Variants in CDKN2B-AS1 observed in about 807,000 individuals in gnomAD.
CDKN2B-AS1 encodes the protein CDKN2B and CDKN2A antisense cis and trans regulatory RNA 1.
intron 4 of CDKN2B-AS1, among the ~76,000 whole-genome samples, chr9:22,078,154 C>T (rs781774981): frequency 6.6e-5 from 10 of 152,124 alleles, no homozygotes; most frequent in Admixed American, 1.3e-4. Context: ...ATTGTACTTA[C>T]GATATGACTT....
At chr9:22,026,280 A>G (rs1426242985) in intron 1 of CDKN2B-AS1, among the ~76,000 whole-genome samples, 3 of 151,662 alleles carry the variant, frequency 2.0e-5, no homozygotes, top group African/African-American at 7.3e-5. Flanking sequence ...GATCTCTGTC[A>G]GCTGGAGAAC....
intron 4 of CDKN2B-AS1, among the ~76,000 whole-genome samples, chr9:22,079,435 C>T (rs1290859778): frequency 6.6e-6 from 1 of 151,184 alleles, no homozygotes; most frequent in Non-Finnish European, 1.5e-5. Flanking sequence ...TTACAGTAAG[C>T]CGAGACTGTG....
chr9:22,092,709 CTCTTT>C (rs1270205467), intron 4 of CDKN2B-AS1, among the ~76,000 whole-genome samples: 1 of 152,066 alleles, frequency 6.6e-6, no homozygotes, highest in African/African-American at 2.4e-5. Context: ...TGATTCTTCT[CTCTTT>C]TCTTCTTTAT....
At chr9:22,126,980 A>C (rs1434760642) in intron 4 of CDKN2B-AS1, among the ~76,000 whole-genome samples, 2 of 152,218 alleles carry the variant, frequency 1.3e-5, no homozygotes, top group African/African-American at 2.4e-5. Context: ...CAAATCTTTT[A>C]CATTGTTTGA....
intron 4 of CDKN2B-AS1, among the ~76,000 whole-genome samples, chr9:22,088,749 C>A (rs1824952340): frequency 6.6e-6 from 1 of 152,168 alleles, no homozygotes; most frequent in African/African-American, 2.4e-5. Context: ...TGAGATCAGG[C>A]TCTATAAAAG....
intron 1 of CDKN2B-AS1, among the ~76,000 whole-genome samples, chr9:22,041,263 A>G (rs1210361621): frequency 6.6e-6 from 1 of 152,058 alleles, no homozygotes; most frequent in East Asian, 1.9e-4. Context: ...AGCAAATGCT[A>G]CAGATGTACC....
intron 1 of CDKN2B-AS1, among the ~76,000 whole-genome samples, chr9:22,017,222 C>T (rs570031651): frequency 9.2e-5 from 14 of 152,248 alleles, no homozygotes; most frequent in African/African-American, 1.7e-4. Flanking sequence ...GTCAGGAGTT[C>T]GAGACCAGCC....
At chr9:22,015,125 AG>A (rs1821685250) in intron 1 of CDKN2B-AS1, among the ~76,000 whole-genome samples, 1 of 152,116 alleles carries the variant, frequency 6.6e-6, no homozygotes, top group Non-Finnish European at 1.5e-5. Context: ...GTATATACCC[AG>A]TAATGGGATG....
intron 1 of CDKN2B-AS1, among the ~76,000 whole-genome samples, chr9:22,019,273 A>T (rs1411643213): frequency 6.6e-6 from 1 of 152,258 alleles, no homozygotes; most frequent in Non-Finnish European, 1.5e-5. Context: ...AGTTAAATTT[A>T]AAAAATACTT....
At chr9:22,059,949 G>T (rs1411903832) in intron 4 of CDKN2B-AS1, among the ~76,000 whole-genome samples, 1 of 152,184 alleles carries the variant, frequency 6.6e-6, no homozygotes, top group African/African-American at 2.4e-5. Context: ...GGGACACAGG[G>T]CACTAAATCC....
intron 4 of CDKN2B-AS1, chr9:22,063,892 C>G (rs1823927392): frequency 6.6e-6 from 1 of 152,156 alleles, no homozygotes; most frequent in Non-Finnish European, 1.5e-5. Flanking sequence ...GGGTGTGGAG[C>G]TATTTTTGGT....
At chr9:22,008,481 C>T (rs1219130669) in intron 1 of CDKN2B-AS1, among the ~76,000 whole-genome samples, 1 of 152,190 alleles carries the variant, frequency 6.6e-6, no homozygotes, top group African/African-American at 2.4e-5. Context: ...TGAAAGCAGA[C>T]AGACAAGATA....
rs1483643547 is a variant in CDKN2B-AS1, at chr9:21,997,098, C to T, written n.29+1937C>T. On this transcript the variant is annotated intron_variant and non_coding_transcript_variant, in intron 1 of 4. Transcript: ENST00000650946. The surrounding 1 kb of genome is among the most constrained non-coding windows in gnomAD (Gnocchi z 4.8). ...TTAGGCGATTTCATTGTTGTGCAAACATCATATACAAACCTAGGTGGTATA... is the reference window on the plus strand; with the variant it reads ...TTAGGCGATTTCATTGTTGTGCAAATATCATATACAAACCTAGGTGGTATA... Among the ~76,000 whole-genome samples the T allele has an allele frequency of 6.6e-6, 1 of 152,144 alleles. No individual in the cohort carries two copies.
chr9:22,027,640 CA>C (rs914189306), intron 1 of CDKN2B-AS1, among the ~76,000 whole-genome samples: 4 of 152,148 alleles, frequency 2.6e-5, no homozygotes, highest in Non-Finnish European at 5.9e-5. Context: ...TCCAATTTAT[CA>C]AATAGCCATT....
intron 4 of CDKN2B-AS1, among the ~76,000 whole-genome samples, chr9:22,126,571 A>G (rs1454301516): frequency 3.0e-5 from 3 of 100,602 alleles, no homozygotes; most frequent in Non-Finnish European, 5.8e-5. Context: ...GAGTAAGTGG[A>G]TTCTTTTTTT....
intron 4 of CDKN2B-AS1, among the ~76,000 whole-genome samples, chr9:22,104,113 G>A (rs1825579137): frequency 6.6e-6 from 1 of 152,188 alleles, no homozygotes; most frequent in African/African-American, 2.4e-5. Context: ...ACATGAGGCA[G>A]AAGGCAAATT....
intron 4 of CDKN2B-AS1, among the ~76,000 whole-genome samples, chr9:22,058,152 C>G (rs190274812): frequency 1.3e-5 from 2 of 152,128 alleles, no homozygotes; most frequent in East Asian, 3.9e-4. Flanking sequence ...CGAGATTGCG[C>G]CATTGCACTT....
At chr9:22,088,678 A>G (rs1824949394) in intron 4 of CDKN2B-AS1, among the ~76,000 whole-genome samples, 1 of 152,228 alleles carries the variant, frequency 6.6e-6, no homozygotes, top group African/African-American at 2.4e-5. Flanking sequence ...CTGTCCTCTC[A>G]ATAGCTACTT....
intron 4 of CDKN2B-AS1, among the ~76,000 whole-genome samples, chr9:22,075,264 G>T (rs1240938173): frequency 1.3e-5 from 2 of 152,190 alleles, no homozygotes; most frequent in Non-Finnish European, 2.9e-5. Flanking sequence ...TCTCTCAAGA[G>T]TCAGGATGTC....
Sources: gnomAD v4.1 joint callset for allele counts (sites outside exome capture counted in the v4.1 genomes callset) on GRCh38, gnomAD v4.1.1 for gene constraint, Gnocchi (gnomAD v3.1) non-coding constraint, MANE v1.5 for transcripts, NCBI Gene and HGNC (gene_info 2026-07-23, HGNC 2026-07-21) for gene names.